DAPK1: variants seen among roughly 807,000 people sequenced by gnomAD.
The protein encoded by DAPK1 is death-associated protein kinase 1.
A neutral mutation model predicts 144.9 loss-of-function variants in DAPK1; 56 were observed. The ratio of observed to expected loss-of-function variants is 0.39; its 90% CI spans 0.31 to 0.48. The LOEUF is 0.48. Ranked by LOEUF, DAPK1 falls within the 20% of genes least tolerant of loss-of-function variation. DAPK1 has a pLI of 0.95. For missense variants in DAPK1, 1,454 were observed against 1,875.4 expected (o/e 0.78, Z 4.15); for synonymous variants, 690 against 749.0 (o/e 0.92, Z 1.29).
chr9:87,699,572 C>CA (rs11407920), intron 23 of DAPK1, among the ~76,000 whole-genome samples: 21,215 of 152,134 alleles, frequency 0.14, 2,050 homozygotes, highest in East Asian at 0.44. Context: ...TGTTTTTACT[C>CA]AGAGTCTATC....
chr9:87,702,175 T>A (rs1825478378), intron 24 of DAPK1, among the ~76,000 whole-genome samples: 1 of 152,156 alleles, frequency 6.6e-6, no homozygotes, highest in Non-Finnish European at 1.5e-5. Context: ...GAATTTTGTT[T>A]TTGAATGCAG....
At chr9:87,527,788 T>C (rs1323495694) in intron 2 of DAPK1, among the ~76,000 whole-genome samples, 1 of 152,238 alleles carries the variant, frequency 6.6e-6, no homozygotes, top group African/African-American at 2.4e-5. Flanking sequence ...TTTCACATCC[T>C]CCTCTTTTTG....
At chr9:87,503,249 G>A in intron 2 of DAPK1, among the ~76,000 whole-genome samples, 1 of 151,658 alleles carries the variant, frequency 6.6e-6, no homozygotes, top group East Asian at 1.9e-4. Context: ...TTATATATAT[G>A]TGTGTGTGTA....
At chr9:87,557,090 G>A (rs776554839) in intron 2 of DAPK1, among the ~76,000 whole-genome samples, 11 of 152,172 alleles carry the variant, frequency 7.2e-5, no homozygotes, top group Admixed American at 2.6e-4. Context: ...CCCTCTTGGC[G>A]GTGTTGCGGG....
intron 2 of DAPK1, chr9:87,554,225 T>G (rs189644436): frequency 2.0e-5 from 3 of 152,328 alleles, no homozygotes; most frequent in Admixed American, 6.5e-5. Context: ...TTCCACTTGA[T>G]TTTGCCATTA....
chr9:87,626,103 T>A (rs937954611), intron 3 of DAPK1, among the ~76,000 whole-genome samples: 4 of 152,242 alleles, frequency 2.6e-5, no homozygotes, highest in Non-Finnish European at 5.9e-5. Flanking sequence ...TTCCACTTAT[T>A]CGATTGGTAA....
At chr9:87,546,196 C>T (rs1365764172) in intron 2 of DAPK1, among the ~76,000 whole-genome samples, 3 of 152,032 alleles carry the variant, frequency 2.0e-5, no homozygotes, top group Admixed American at 1.3e-4. Context: ...GGGAGATGAC[C>T]GTCAATGAAA....
chr9:87,535,190 T>C (rs773991790), intron 2 of DAPK1, among the ~76,000 whole-genome samples: 2 of 152,094 alleles, frequency 1.3e-5, no homozygotes, highest in Non-Finnish European at 2.9e-5. Context: ...GGCCCCTGTT[T>C]CTGGTGTCAC....
At chr9:87,646,644 T>C in intron 13 of DAPK1, 85 bp downstream of exon 13, 1 of 1,024,098 alleles carries the variant, frequency 9.8e-7, no homozygotes, top group Non-Finnish European at 1.5e-6. Context: ...GGAAAAAAAT[T>C]TATGTCCTAA....
At chr9:87,618,310 G>A (rs1393615833) in intron 3 of DAPK1, among the ~76,000 whole-genome samples, 1 of 152,202 alleles carries the variant, frequency 6.6e-6, no homozygotes, top group East Asian at 1.9e-4. Context: ...TGGAGAAATT[G>A]TAATGCTCAA....
chr9:87,642,064 ATTGT>A lies in DAPK1; in HGVS notation c.918+12_918+15del, dbSNP rs1257998964. On this transcript the variant is annotated splice_region_variant and intron_variant, in intron 10 of 25. Transcript: ENST00000408954. Reference sequence around the variant, plus strand: ...CAGCCCGGAAAAAATGGAAAGTAAGATTGTTTGTTGTGGAGGGATTAACAAATTC... The same window carrying A: ...CAGCCCGGAAAAAATGGAAAGTAAGATTGTTGTGGAGGGATTAACAAATTC... 2 of 1,613,236 alleles carry A rather than the reference ATTGT, an allele frequency of 1.2e-6. No homozygotes were observed.
At chr9:87,651,383 TTC>T (rs3831158) in intron 16 of DAPK1, 142 bp from the exon 17 acceptor site, 118,589 of 750,958 alleles carry the variant, frequency 0.16, 10,333 homozygotes, top group South Asian at 0.24. Context: ...GGAGTAAAGT[TTC>T]TTCATTTAAA....
chr9:87,591,121 A>G (rs1353011536), intron 2 of DAPK1, among the ~76,000 whole-genome samples: 5 of 152,256 alleles, frequency 3.3e-5, no homozygotes, highest in Admixed American at 2.6e-4. Context: ...CTGCTTAGTC[A>G]AAGCAATTAG....
chr9:87,680,519 G>GTGC (rs1333163735), intron 19 of DAPK1, among the ~76,000 whole-genome samples: 2 of 152,212 alleles, frequency 1.3e-5, no homozygotes, highest in Non-Finnish European at 2.9e-5. Context: ...TAAATCAAAA[G>GTGC]TGCTAGTAGC....
chr9:87,607,184 G>C (rs1228199315), intron 3 of DAPK1, among the ~76,000 whole-genome samples: 1 of 152,086 alleles, frequency 6.6e-6, no homozygotes, highest in African/African-American at 2.4e-5. Flanking sequence ...CCTCACTGTG[G>C]CTTTATGTGG....
intron 2 of DAPK1, among the ~76,000 whole-genome samples, chr9:87,519,793 G>C (rs1433956028): frequency 1.3e-5 from 2 of 152,062 alleles, no homozygotes; most frequent in African/African-American, 4.8e-5. Flanking sequence ...CATTGTTTCT[G>C]CACAGTTGTA....
At chr9:87,539,670 G>A (rs187119865) in intron 2 of DAPK1, among the ~76,000 whole-genome samples, 109 of 151,970 alleles carry the variant, frequency 7.2e-4, no homozygotes, top group Non-Finnish European at 1.4e-3. Context: ...TGCCCACCTC[G>A]GTCTCCCAAA....
intron 2 of DAPK1, among the ~76,000 whole-genome samples, chr9:87,528,364 T>C (rs7023839): frequency 0.77 from 116,998 of 151,742 alleles, 45,343 homozygotes; most frequent in Middle Eastern, 0.82. Context: ...ATTACAGGTG[T>C]GCATCACCAC....
In DAPK1 at chr9:87,706,513, G is replaced by A. The variant is rs1370239523; in HGVS notation, c.3442G>A (p.Val1148Ile). 1.9e-6 allele frequency: 3 copies of A among 1,614,048 alleles called. No homozygotes were observed. Among genetic ancestry groups the A allele is most frequent in the African/African-American group, 2.7e-5 (2 of 74,944 alleles). ...CTTCCCATGTGGCATCTTTCACAAG[G>A]TCCAGGTGAACCTGTGCCGGTGGAT... ...TPFPCGIFHK[V>I]QVNLCRWIHQ... Residue 1148 changes from valine (V) to isoleucine (I), a missense_variant, in exon 26 of 26, where the codon GTC becomes ATC. By Grantham distance (29) the Val-to-Ile change is conservative. Transcript: ENST00000408954. This position sits in a 1 kb window ranked among gnomAD's most constrained non-coding sequence, Gnocchi z 9.0.
Sources: allele counts gnomAD v4.1 joint callset (sites outside exome capture counted in the v4.1 genomes callset), GRCh38; gene constraint gnomAD v4.1.1; non-coding constraint Gnocchi (gnomAD v3.1); transcripts MANE v1.5; gene names NCBI Gene and HGNC (gene_info 2026-07-23, HGNC 2026-07-21).